HIVEP2: variants seen among roughly 807,000 people sequenced by gnomAD.
The protein encoded by HIVEP2 is HIVEP zinc finger 2.
A neutral mutation model predicts 180.7 loss-of-function variants in HIVEP2; 14 were observed. The observed-to-expected ratio is 0.08, with a 90% CI of 0.05 to 0.12. The LOEUF is 0.12. Among genes scored for constraint, HIVEP2 ranks in the 10% least tolerant of loss-of-function variants. The pLI, the probability that HIVEP2 is intolerant of heterozygous loss-of-function variation, is 1.00. For synonymous variants in HIVEP2, 1,184 were observed against 1,136.4 expected, an observed-to-expected ratio of 1.04 and a Z score of -0.84; for missense variants, 2,579 against 3,008.5, an observed-to-expected ratio of 0.86 and a Z score of 3.34.
chr6:142,759,991 C>T lies in HIVEP2; in HGVS notation c.6297G>A (p.Glu2099=), dbSNP rs767214094. The stretch of plus-strand genomic sequence containing the variant: ...TTGGTGAAACATCTCTTTGGGACAT[C>T]TCTCTTCTCAATGCAGCTTCCTTTC... The part of the protein sequence containing the change: ...SPRKEAALRR[E]MSQRDVSPRR... Residue 2099 remains glutamate, a synonymous_variant, in exon 9 of 10, where the codon GAG becomes GAA. Transcript: ENST00000367603. 1.9e-6 allele frequency: 3 copies of T among 1,614,034 alleles called. No individual in the cohort carries two copies. The highest frequency in any genetic ancestry group is 2.5e-6 in the Non-Finnish European group (3 of 1,179,962).
intron 2 of HIVEP2, among the ~76,000 whole-genome samples, chr6:142,826,696 C>A (rs1774912761): frequency 6.6e-6 from 1 of 152,196 alleles, no homozygotes; most frequent in African/African-American, 2.4e-5. Context: ...TTGTTGTATT[C>A]TAGCAGGCTG....
At chr6:142,757,612 C>T (rs1020669203) in intron 9 of HIVEP2, among the ~76,000 whole-genome samples, 16 of 152,008 alleles carry the variant, frequency 1.1e-4, no homozygotes, top group African/African-American at 3.4e-4. Flanking sequence ...AAGCCAAGGT[C>T]GTGCCACTGC....
intron 1 of HIVEP2, among the ~76,000 whole-genome samples, chr6:142,860,502 C>T (rs1775948291): frequency 6.6e-6 from 1 of 152,124 alleles, no homozygotes; most frequent in Non-Finnish European, 1.5e-5. Flanking sequence ...AATTTTACAA[C>T]TCACCATAAT....
chr6:142,832,238 A>C lies in HIVEP2; in HGVS notation c.-528+4697T>G, dbSNP rs527584579. 1.8e-4 allele frequency among the ~76,000 whole-genome samples: 28 copies of C among 152,072 alleles called. No homozygotes were observed. The South Asian group carries it at 5.8e-3, about 32-fold the overall frequency. ...ACAAAAAACAAAAACAAACAAAAAA[A>C]ACCTCACAAGCAATTATTTTTATTA... On this transcript the variant is annotated intron_variant, in intron 2 of 9. Transcript: ENST00000367603.
chr6:142,797,028 T>C (rs1480112049), intron 2 of HIVEP2, among the ~76,000 whole-genome samples: 1 of 152,202 alleles, frequency 6.6e-6, no homozygotes, highest in Non-Finnish European at 1.5e-5. Flanking sequence ...ATGGTCTATG[T>C]GTGTGCAAAA....
At chr6:142,945,452 C>T (rs1778303916), upstream of HIVEP2, among the ~76,000 whole-genome samples, 1 of 152,102 alleles carries the variant, frequency 6.6e-6, no homozygotes, top group South Asian at 2.1e-4. This position sits in a 1 kb window ranked among gnomAD's most constrained non-coding sequence, Gnocchi z 5.5. Context: ...CTCCCAGCGC[C>T]GAAGGAGGCA....
chr6:142,846,142 C>T (rs1160596338), intron 1 of HIVEP2, among the ~76,000 whole-genome samples: 2 of 152,176 alleles, frequency 1.3e-5, no homozygotes, highest in African/African-American at 2.4e-5. Flanking sequence ...CGCCTGAGAG[C>T]GGCAGGGGAG....
rs566616130 is a variant in HIVEP2, at chr6:142,844,079, C to T, written c.-640-7032G>A. 9.9e-5 allele frequency among the ~76,000 whole-genome samples: 15 copies of T among 152,278 alleles called. No individual in the cohort carries two copies. In the East Asian group the frequency reaches 2.5e-3, roughly 25 times the overall value. On this transcript the variant is annotated intron_variant, in intron 1 of 9. Transcript: ENST00000367603. Reference sequence around the variant, plus strand: ...TCAACTCCAGCAATATTCTTCCATTCTTCTCTTTCCTCCCACACTGGCTGA... The same window carrying T: ...TCAACTCCAGCAATATTCTTCCATTTTTCTCTTTCCTCCCACACTGGCTGA...
chr6:142,765,961 G>A (rs1018667246), intron 6 of HIVEP2, among the ~76,000 whole-genome samples: 3 of 152,126 alleles, frequency 2.0e-5, no homozygotes, highest in Non-Finnish European at 2.9e-5. Flanking sequence ...CGCTCCATTT[G>A]GGGAGTTCTT....
chr6:142,935,112 G>A (rs929278415), intron 1 of HIVEP2, among the ~76,000 whole-genome samples: 8 of 152,132 alleles, frequency 5.3e-5, no homozygotes, highest in African/African-American at 4.8e-5. Flanking sequence ...CTGTTCACTC[G>A]CTGCAAAAAC....
Position 142,936,382 on chromosome 6 carries a change from G to A in HIVEP2, c.-641+8717C>T, listed in dbSNP as rs570593533. ...TAATTTTTGAATTTTAGTAGAGATG[G>A]GGTTTCATCATATTGGCCATGCTGA... On this transcript the variant is annotated intron_variant, in intron 1 of 9. Transcript: ENST00000367603. Among the ~76,000 whole-genome samples, 14 of 151,682 alleles carry A rather than the reference G, an allele frequency of 9.2e-5. No individual in the cohort carries two copies. In the South Asian group the frequency reaches 2.9e-3, roughly 32 times the overall value.
intron 2 of HIVEP2, among the ~76,000 whole-genome samples, chr6:142,810,568 T>C (rs1776667249): frequency 6.6e-6 from 1 of 151,924 alleles, no homozygotes; most frequent in South Asian, 2.1e-4. Context: ...TTGTGGTCAG[T>C]ATAGCCAAGA....
At chr6:142,755,713 A>T (rs1417969925) in intron 9 of HIVEP2, among the ~76,000 whole-genome samples, 2 of 152,196 alleles carry the variant, frequency 1.3e-5, no homozygotes, top group Non-Finnish European at 1.5e-5. Context: ...AAACTACAAT[A>T]ATACTCAGCA....
In HIVEP2 at chr6:142,945,105, A is replaced by C. The variant is rs1778289692; in HGVS notation, c.-647T>G. 6.9e-6 allele frequency: 1 copy of C among 145,758 alleles called. No homozygotes were observed. The highest frequency in any genetic ancestry group is 1.5e-5 in the Non-Finnish European group (1 of 65,932). The allele number at this position is 145,758 out of a possible 1,614,324, so 9.0% of individuals were successfully genotyped here. On this transcript the variant is annotated 5_prime_UTR_variant, in exon 1 of 10. Transcript: ENST00000367603. This position sits in a 1 kb window ranked among gnomAD's most constrained non-coding sequence, Gnocchi z 5.5. ...CGGCCCCCTCCCCCGCTACCTGACA[A>C]CGGGCCGCCGCCGGCCGCCGCAGCC... is the stretch of plus-strand genomic sequence containing the variant.
intron 2 of HIVEP2, among the ~76,000 whole-genome samples, chr6:142,803,536 A>G (rs1265839344): frequency 6.6e-6 from 1 of 150,720 alleles, no homozygotes; most frequent in African/African-American, 2.5e-5. Flanking sequence ...ACTGAGGCAA[A>G]AAATACCCCA....
chr6:142,802,437 C>T (rs567655535), intron 2 of HIVEP2, among the ~76,000 whole-genome samples: 14 of 152,066 alleles, frequency 9.2e-5, no homozygotes, highest in Non-Finnish European at 1.8e-4. Flanking sequence ...CCAGTCTCTG[C>T]CACCCTCATA....
intron 1 of HIVEP2, among the ~76,000 whole-genome samples, chr6:142,901,595 G>A (rs796154508): frequency 1.3e-5 from 2 of 152,106 alleles, no homozygotes; most frequent in South Asian, 4.2e-4. Context: ...TACCTCCTAA[G>A]AAATCAGTGA....
At chr6:142,911,131 A>G (rs1777391030) in intron 1 of HIVEP2, among the ~76,000 whole-genome samples, 1 of 133,102 alleles carries the variant, frequency 7.5e-6, no homozygotes. Context: ...GACAAAGCAC[A>G]AACACATTAA....
intron 1 of HIVEP2, among the ~76,000 whole-genome samples, chr6:142,846,147 G>A (rs1023410433): frequency 2.6e-5 from 4 of 152,220 alleles, no homozygotes; most frequent in Non-Finnish European, 4.4e-5. Context: ...GAGAGCGGCA[G>A]GGGAGTGTGT....
Sources: gnomAD v4.1 joint callset for allele counts (sites outside exome capture counted in the v4.1 genomes callset) on GRCh38, gnomAD v4.1.1 for gene constraint, Gnocchi (gnomAD v3.1) non-coding constraint, MANE v1.5 for transcripts, NCBI Gene and HGNC (gene_info 2026-07-23, HGNC 2026-07-21) for gene names.